COL6A5: variants seen among roughly 807,000 people sequenced by gnomAD.
The protein encoded by COL6A5 is collagen type VI alpha 5 chain, also known as collagen alpha-5(VI) chain.
Under a neutral mutation model 65.6 loss-of-function variants are expected in COL6A5, and 48 were observed. That is an observed-to-expected ratio of 0.73 (90% CI 0.58 to 0.93). The LOEUF (loss-of-function observed/expected upper bound fraction) is 0.93, where lower values mean the gene tolerates loss of function less well. COL6A5 is among the 40% of genes least tolerant of loss of function. COL6A5 has a pLI of 0.00. For synonymous variants in COL6A5, 291 were observed against 322.8 expected (o/e 0.90, Z 1.05); for missense variants, 914 against 928.3 (o/e 0.98, Z 0.20).
At chr3:130,393,681 C>A (rs895512499) in intron 7 of COL6A5, among the ~76,000 whole-genome samples, 1 of 152,164 alleles carries the variant, frequency 6.6e-6, no homozygotes, top group Admixed American at 6.5e-5. Flanking sequence ...CAAGATGGAC[C>A]AAATAACTCA....
chr3:130,375,534 A>C (rs142912937), intron 2 of COL6A5, among the ~76,000 whole-genome samples: 28 of 152,058 alleles, frequency 1.8e-4, no homozygotes, highest in South Asian at 8.3e-4. Context: ...CTGTTCTCCC[A>C]CCTGAGACAA....
At chr3:130,388,659 G>T in exon 6 of COL6A5, 1 of 1,551,044 alleles carries the variant, frequency 6.4e-7, no homozygotes, top group Non-Finnish European at 8.7e-7. Context: ...TTAGGAAAAT[G>T]AAAATCTTCA....
At chr3:130,366,873 T>C (rs1935359045) in intron 1 of COL6A5, among the ~76,000 whole-genome samples, 1 of 152,190 alleles carries the variant, frequency 6.6e-6, no homozygotes, top group African/African-American at 2.4e-5. Context: ...TCAAAACCAA[T>C]AGGTTTATGA....
chr3:130,409,354 G>T, exon 18 of COL6A5: 1 of 1,547,306 alleles, frequency 6.5e-7, no homozygotes, highest in Non-Finnish European at 8.7e-7. Context: ...GGTGCCCCTG[G>T]GCAGTATGGA....
chr3:130,365,942 GTAA>G (rs1284362551), intron 1 of COL6A5, among the ~76,000 whole-genome samples: 1 of 152,196 alleles, frequency 6.6e-6, no homozygotes, highest in Non-Finnish European at 1.5e-5. Flanking sequence ...TCTTAAGAAA[GTAA>G]TAATGAGAAG....
exon 5 of COL6A5, chr3:130,384,935 A>T (rs779239452): frequency 2.8e-5 from 44 of 1,550,858 alleles, no homozygotes; most frequent in Non-Finnish European, 3.5e-5. Flanking sequence ...TGGCCCAGAC[A>T]AAGTCCGAGT....
intron 7 of COL6A5, among the ~76,000 whole-genome samples, 199 bp downstream of exon 7, chr3:130,391,953 C>T (rs1482182333): frequency 1.3e-5 from 2 of 152,178 alleles, no homozygotes; most frequent in Non-Finnish European, 2.9e-5. Flanking sequence ...ACAGCATGCA[C>T]TGAAGAGATT....
chr3:130,354,292 C>T (rs564495903), intron 1 of COL6A5, among the ~76,000 whole-genome samples: 13 of 152,020 alleles, frequency 8.6e-5, no homozygotes, highest in African/African-American at 1.2e-4. Flanking sequence ...AGAACCTTAG[C>T]GGGAAAAGGA....
chr3:130,480,248 T>C (rs1710201427), intron 7 of COL6A5, among the ~76,000 whole-genome samples: 1 of 152,038 alleles, frequency 6.6e-6, no homozygotes, highest in Non-Finnish European at 1.5e-5. Context: ...CTTTTTGTCT[T>C]AATAGAATTA....
At chr3:130,467,703 G>T (rs546673318) in intron 5 of COL6A5, among the ~76,000 whole-genome samples, 83 of 152,104 alleles carry the variant, frequency 5.5e-4, no homozygotes, top group African/African-American at 2.0e-3. Context: ...TGGTGGTGGG[G>T]TATTTTTCTG....
chr3:130,349,056 A>G (rs1934607350), intron 1 of COL6A5, among the ~76,000 whole-genome samples: 1 of 152,110 alleles, frequency 6.6e-6, no homozygotes, highest in Admixed American at 6.5e-5. Context: ...CCAATATTCT[A>G]ATACTCCCTA....
At chr3:130,421,073 T>A in intron 25 of COL6A5, 80 bp from the exon 26 acceptor site, 1 of 1,322,396 alleles carries the variant, frequency 7.6e-7, no homozygotes, top group Non-Finnish European at 1.1e-6. Context: ...GCTTCTCTTC[T>A]GACACTGTAA....
chr3:130,481,202 C>G (rs1479482685), intron 7 of COL6A5, among the ~76,000 whole-genome samples: 2 of 151,408 alleles, frequency 1.3e-5, no homozygotes, highest in African/African-American at 4.9e-5. Context: ...CCTTTGCCCC[C>G]CACCCCCCGA....
chr3:130,476,490 ATCACC>A, intron 7 of COL6A5, among the ~76,000 whole-genome samples: 1 of 151,856 alleles, frequency 6.6e-6, no homozygotes, highest in Admixed American at 6.6e-5. Context: ...ATACATTAGA[ATCACC>A]TAGTTATTTT....
At chr3:130,461,970 A>C (rs1709712380) in intron 5 of COL6A5, among the ~76,000 whole-genome samples, 1 of 151,966 alleles carries the variant, frequency 6.6e-6, no homozygotes, top group South Asian at 2.1e-4. Context: ...CACTTTTATC[A>C]TCTAAATGCC....
intron 18 of COL6A5, among the ~76,000 whole-genome samples, chr3:130,409,690 G>A (rs1497311): frequency 0.13 from 19,602 of 152,078 alleles, 1,321 homozygotes; most frequent in Middle Eastern, 0.15. Context: ...ACTTAGTTAC[G>A]GGGGAATCTT....
chr3:130,371,638 G>A (rs533905801), intron 1 of COL6A5, among the ~76,000 whole-genome samples: 1 of 152,238 alleles, frequency 6.6e-6, no homozygotes, highest in African/African-American at 2.4e-5. Context: ...ACGAAAGAGT[G>A]AAATTGTATC....
At chr3:130,433,580 C>G (rs527746972) in intron 1 of COL6A5, among the ~76,000 whole-genome samples, 13 of 152,230 alleles carry the variant, frequency 8.5e-5, no homozygotes, top group Non-Finnish European at 1.8e-4. Context: ...CTTCTCCACT[C>G]AGGACATCCT....
intron 7 of COL6A5, among the ~76,000 whole-genome samples, chr3:130,476,461 G>C (rs1231070210): frequency 6.6e-6 from 1 of 152,048 alleles, no homozygotes; most frequent in Non-Finnish European, 1.5e-5. Context: ...CTGTAAATTG[G>C]TGATTCCCAA....
Sources: allele counts gnomAD v4.1 joint callset (sites outside exome capture counted in the v4.1 genomes callset), GRCh38; gene constraint gnomAD v4.1.1; transcripts MANE v1.5; gene names NCBI Gene and HGNC (gene_info 2026-07-23, HGNC 2026-07-21).